ANKFN1: variants seen among roughly 807,000 people sequenced by gnomAD.
ANKFN1 encodes ankyrin repeat and fibronectin type-III domain-containing protein 1.
In ANKFN1, 74 loss-of-function variants were observed where a neutral mutation model predicts 108.7. The ratio of observed to expected loss-of-function variants is 0.68; its 90% CI spans 0.56 to 0.83. The LOEUF is 0.83. Ranked by LOEUF, ANKFN1 falls within the 40% of genes least tolerant of loss-of-function variation. The pLI is 0.00. For synonymous variants in ANKFN1, 547 were observed against 516.2 expected, an observed-to-expected ratio of 1.06 and a Z score of -0.81; for missense variants, 1,505 against 1,382.3, an observed-to-expected ratio of 1.09 and a Z score of -1.41.
intron 8 of ANKFN1, among the ~76,000 whole-genome samples, chr17:56,391,368 ATGTGTG>A (rs199687714): frequency 0.024 from 3,072 of 128,700 alleles, 128 homozygotes; most frequent in African/African-American, 0.083. Context: ...ACATATATAT[ATGTGTG>A]TGTGTGTGTG....
At chr17:56,100,771 T>A (rs1905631024) in intron 4 of ANKFN1, among the ~76,000 whole-genome samples, 1 of 152,198 alleles carries the variant, frequency 6.6e-6, no homozygotes, top group Non-Finnish European at 1.5e-5. Context: ...AGAAAAAGTC[T>A]ATTCTGTCCC....
intron 4 of ANKFN1, among the ~76,000 whole-genome samples, chr17:56,060,221 G>C (rs1167889383): frequency 6.6e-6 from 1 of 152,038 alleles, no homozygotes; most frequent in Non-Finnish European, 1.5e-5. Flanking sequence ...TCATGATTTG[G>C]CTCTCTGCTT....
rs1261932907 is a variant in ANKFN1, at chr17:56,160,666, TG to T, written c.-71+7137del. On this transcript the variant is annotated intron_variant, in intron 1 of 20. Transcript: ENST00000682825. Reference sequence around the variant, plus strand: ...GGAAACTTTTATAAGAGATGGGAGCTGCCGATTGCTTCCATTAAATTAGTCT... The same window carrying T: ...GGAAACTTTTATAAGAGATGGGAGCTCCGATTGCTTCCATTAAATTAGTCT... Among the ~76,000 whole-genome samples the T allele has an allele frequency of 5.3e-5, 8 of 152,220 alleles. No individual in the cohort carries two copies. The South Asian group carries it at 6.2e-4, about 12-fold the overall frequency.
chr17:56,355,824 T>G (rs139590505), intron 6 of ANKFN1, among the ~76,000 whole-genome samples: 1 of 152,130 alleles, frequency 6.6e-6, no homozygotes, highest in African/African-American at 2.4e-5. Flanking sequence ...TTTACCCTTT[T>G]GAAGTATACA....
chr17:56,378,383 C>A (rs115320566), intron 8 of ANKFN1, among the ~76,000 whole-genome samples: 1 of 152,092 alleles, frequency 6.6e-6, no homozygotes, highest in African/African-American at 2.4e-5. Context: ...ATGGAGAAAA[C>A]CCTGACATCA....
intron 1 of ANKFN1, among the ~76,000 whole-genome samples, chr17:56,154,378 A>T (rs7211177): frequency 6.6e-6 from 1 of 152,070 alleles, no homozygotes. Flanking sequence ...GCTTTTCAGG[A>T]ATGAACCTGA....
At chr17:56,477,815 T>A (rs113151852) in intron 16 of ANKFN1, among the ~76,000 whole-genome samples, 161 bp downstream of exon 16, 6 of 150,692 alleles carry the variant, frequency 4.0e-5, no homozygotes, top group Non-Finnish European at 1.5e-5. Context: ...AGTTTTGGGG[T>A]TTTTTTTTGT....
At chr17:56,498,705 C>CA (rs968081436) in intron 19 of ANKFN1, among the ~76,000 whole-genome samples, 177 bp from the exon 20 acceptor site, 11 of 152,048 alleles carry the variant, frequency 7.2e-5, no homozygotes, top group African/African-American at 2.4e-4. Context: ...ATACGCAAAA[C>CA]AAAAAATATT....
At chr17:56,061,750 A>G (rs1458883064) in intron 4 of ANKFN1, among the ~76,000 whole-genome samples, 3 of 152,010 alleles carry the variant, frequency 2.0e-5, no homozygotes, top group African/African-American at 2.4e-5. Context: ...TTCATACTCT[A>G]TCTCCTTCAG....
chr17:56,131,525 A>T (rs1216602631), intron 4 of ANKFN1, among the ~76,000 whole-genome samples: 4 of 152,212 alleles, frequency 2.6e-5, no homozygotes, highest in Non-Finnish European at 5.9e-5. Context: ...TACAAAATGC[A>T]CTCATTTAGA....
intron 3 of ANKFN1, among the ~76,000 whole-genome samples, chr17:56,253,208 T>C (rs2043277857): frequency 6.6e-6 from 1 of 152,170 alleles, no homozygotes; most frequent in African/African-American, 2.4e-5. Flanking sequence ...ATGCTGTACT[T>C]CCTAGCAGCA....
intron 4 of ANKFN1, among the ~76,000 whole-genome samples, chr17:56,118,979 A>G (rs1440239297): frequency 6.6e-6 from 1 of 152,122 alleles, no homozygotes; most frequent in African/African-American, 2.4e-5. Flanking sequence ...CAGTTGTGCT[A>G]TTTTCTTAAG....
At chr17:56,273,729 A>G (rs186376448) in intron 3 of ANKFN1, among the ~76,000 whole-genome samples, 1 of 152,336 alleles carries the variant, frequency 6.6e-6, no homozygotes, top group Admixed American at 6.5e-5. Context: ...TAAAATAGCT[A>G]ATATTATTGT....
chr17:56,477,597 A>G lies in ANKFN1; in HGVS notation c.1883A>G (p.Gln628Arg). ...SVDQIKVLVT[Q>R]KLPNILCHVK... ...GATCAAATCAAAGTTCTTGTTACCC[A>G]AAAGTTGCCCAACATTCTCTGCCAC... The change falls in exon 16 of 21, where the codon CAA (glutamine) becomes CGA (arginine). Residue 628 changes from glutamine (Q) to arginine (R), a missense_variant. Transcript: ENST00000682825. 1 of 1,613,862 alleles carries G rather than the reference A, an allele frequency of 6.2e-7. No homozygotes were observed. The highest frequency in any genetic ancestry group is 8.5e-7 in the Non-Finnish European group (1 of 1,179,892).
chr17:56,154,793 T>C (rs1477456339), intron 1 of ANKFN1, among the ~76,000 whole-genome samples: 1 of 152,214 alleles, frequency 6.6e-6, no homozygotes, highest in Non-Finnish European at 1.5e-5. Flanking sequence ...TTCATGGTTG[T>C]AGAATTGAAT....
chr17:56,328,096 A>T (rs576680938), intron 4 of ANKFN1, among the ~76,000 whole-genome samples: 1 of 152,346 alleles, frequency 6.6e-6, no homozygotes, highest in African/African-American at 2.4e-5. Flanking sequence ...ATTTTAAAAA[A>T]TATTGATTAG....
upstream of ANKFN1, among the ~76,000 whole-genome samples, chr17:56,151,026 A>G (rs999228061): frequency 2.0e-5 from 3 of 152,170 alleles, no homozygotes; most frequent in African/African-American, 7.2e-5. Context: ...GGATGGAGGG[A>G]CAAGGACCTG....
At position 56,457,232 on chromosome 17, in the gene ANKFN1, C is replaced by T; in HGVS notation, c.1308-25C>T. On this transcript the variant is annotated intron_variant, in intron 12 of 20. Coordinates refer to ENST00000682825, the MANE Select transcript of ANKFN1 (RefSeq NM_001370326.1). ...TTTTCCAAGATGGTTGAGGACAATG[C>T]TTTTATTTTCCTTTTTCTTTTTAGG... is the stretch of plus-strand genomic sequence containing the variant. The T allele has an allele frequency of 2.0e-6, 3 of 1,535,844 alleles. No homozygotes were observed. In the South Asian group the frequency reaches 3.8e-5, roughly 19 times the overall value.
intron 4 of ANKFN1, among the ~76,000 whole-genome samples, chr17:56,057,556 C>T (rs142897516): frequency 0.033 from 5,044 of 152,142 alleles, 264 homozygotes; most frequent in African/African-American, 0.11. Context: ...GAGGCAGAGG[C>T]GGGCAGATCA....
Sources: gnomAD v4.1 joint callset for allele counts (sites outside exome capture counted in the v4.1 genomes callset) on GRCh38, gnomAD v4.1.1 for gene constraint, MANE v1.5 for transcripts, NCBI Gene and HGNC (gene_info 2026-07-23, HGNC 2026-07-21) for gene names.